The following FCHO2 variants were observed in gnomAD, a reference collection of about 807,000 sequenced individuals.
FCHO2 encodes the protein FCH and mu domain containing endocytic adaptor 2, also known as F-BAR domain only protein 2.
In FCHO2, 43 loss-of-function variants were observed where a neutral mutation model predicts 114.1. That is an observed-to-expected ratio of 0.38 (90% CI 0.30 to 0.49). The LOEUF is 0.49. FCHO2 is among the 20% of genes least tolerant of loss of function. The pLI is 0.97. For missense variants in FCHO2, 807 were observed against 950.4 expected (o/e 0.85, Z 1.98); for synonymous variants, 293 against 315.2 (o/e 0.93, Z 0.75).
At chr5:72,970,644 T>A (rs1752474385) in intron 2 of FCHO2, among the ~76,000 whole-genome samples, 1 of 151,952 alleles carries the variant, frequency 6.6e-6, no homozygotes, top group Non-Finnish European at 1.5e-5. Context: ...ACCATCAAGA[T>A]CATCAATAAT....
chr5:72,960,670 T>G (rs554010441), intron 1 of FCHO2, among the ~76,000 whole-genome samples: 18 of 152,278 alleles, frequency 1.2e-4, no homozygotes, highest in African/African-American at 4.3e-4. Flanking sequence ...ATAACAACAT[T>G]GCTATGTAAT....
intron 18 of FCHO2, among the ~76,000 whole-genome samples, chr5:73,066,444 A>T (rs1396097216): frequency 1.3e-5 from 2 of 151,996 alleles, no homozygotes; most frequent in African/African-American, 4.8e-5. Context: ...TTAATAAAAA[A>T]TTTTAAAAGT....
At chr5:72,992,082 C>A (rs1389118668) in intron 5 of FCHO2, among the ~76,000 whole-genome samples, 1 of 151,836 alleles carries the variant, frequency 6.6e-6, no homozygotes, top group African/African-American at 2.4e-5. Flanking sequence ...AAACAACTAA[C>A]CAATGAAATA....
chr5:72,979,133 GT>G (rs1753039568), intron 2 of FCHO2, among the ~76,000 whole-genome samples: 1 of 152,138 alleles, frequency 6.6e-6, no homozygotes. Context: ...CATAAAATGA[GT>G]TAGGGAGGAG....
At chr5:72,994,783 TA>T (rs141720616) in intron 5 of FCHO2, among the ~76,000 whole-genome samples, 1 of 152,202 alleles carries the variant, frequency 6.6e-6, no homozygotes, top group Non-Finnish European at 1.5e-5. Flanking sequence ...TATGCAGCCA[TA>T]AAAAAGAATG....
Position 72,990,589 on chromosome 5 carries a change from T to G in FCHO2, c.312T>G (p.Tyr104Ter), listed in dbSNP as rs887296871. 1 of 1,534,178 alleles carries G rather than the reference T, an allele frequency of 6.5e-7. No homozygotes were observed. Among genetic ancestry groups the G allele is most frequent in the Non-Finnish European group, 8.7e-7 (1 of 1,145,130 alleles). ...LQELIKEVQK[Y>*]GEEQVKSHKK... ...AATTAATAAAGGAAGTTCAGAAGTATGGAGAAGAACAAGTAAAGTCTCATA... is the reference window on the plus strand; with the variant it reads ...AATTAATAAAGGAAGTTCAGAAGTAGGGAGAAGAACAAGTAAAGTCTCATA... The change falls in exon 4 of 26, where the codon TAT becomes TAG. Residue 104 changes from tyrosine (Y) to a stop codon, truncating the protein, a stop_gained. Coordinates refer to ENST00000430046, the MANE Select transcript of FCHO2 (RefSeq NM_138782.3). LOFTEE classifies it high-confidence loss of function.
intron 8 of FCHO2, among the ~76,000 whole-genome samples, chr5:73,018,066 A>G (rs1207470720): frequency 6.6e-6 from 1 of 152,192 alleles, no homozygotes; most frequent in East Asian, 1.9e-4. Context: ...ATAAGTAAAA[A>G]TAATTTAGTG....
intron 8 of FCHO2, among the ~76,000 whole-genome samples, chr5:73,030,022 ATTTCT>A (rs1377600107): frequency 1.3e-4 from 20 of 148,182 alleles, no homozygotes; most frequent in South Asian, 6.5e-4. Flanking sequence ...ACAGAAATTG[ATTTCT>A]TTTCTTTCTT....
intron 22 of FCHO2, among the ~76,000 whole-genome samples, chr5:73,080,457 G>A (rs1014255659): frequency 9.9e-5 from 15 of 152,102 alleles, no homozygotes; most frequent in African/African-American, 3.6e-4. Context: ...AAGGATATTC[G>A]CTGTAGCATT....
intron 2 of FCHO2, among the ~76,000 whole-genome samples, chr5:72,988,432 C>T (rs1044649066): frequency 4.6e-5 from 7 of 151,962 alleles, no homozygotes; most frequent in African/African-American, 7.2e-5. Context: ...AGCCATATTC[C>T]GTCTCAAAAA....
chr5:73,014,838 G>T (rs1465574999), intron 6 of FCHO2, among the ~76,000 whole-genome samples: 1 of 151,900 alleles, frequency 6.6e-6, no homozygotes, highest in East Asian at 2.0e-4. Flanking sequence ...CAGCACTTTT[G>T]GAGGCTGAGG....
At position 73,000,141 on chromosome 5, in the gene FCHO2, A is replaced by G. The variant is rs915267607; in HGVS notation, c.496-6304A>G. ...CACCTCAGCTTCCAGAGTAGCTGGG[A>G]CTACAGGCATGTGCCACCATGCACA... is the stretch of plus-strand genomic sequence containing the variant. On this transcript the variant is annotated intron_variant, in intron 5 of 25. Coordinates refer to ENST00000430046, the MANE Select transcript of FCHO2 (RefSeq NM_138782.3). Among the ~76,000 whole-genome samples, 8 of 152,272 alleles carry G rather than the reference A, an allele frequency of 5.3e-5. No individual in the cohort carries two copies. The East Asian group carries it at 1.5e-3, about 29-fold the overall frequency.
intron 1 of FCHO2, among the ~76,000 whole-genome samples, chr5:72,962,870 C>T (rs1290748783): frequency 6.7e-6 from 1 of 150,208 alleles, no homozygotes; most frequent in South Asian, 2.1e-4. Flanking sequence ...TCCAGTTGGG[C>T]GACAGAGCAA....
chr5:73,064,306 A>G (rs1285800773), intron 18 of FCHO2, among the ~76,000 whole-genome samples: 1 of 152,098 alleles, frequency 6.6e-6, no homozygotes, highest in Non-Finnish European at 1.5e-5. Flanking sequence ...GTATACTGCA[A>G]GGAGGATTAT....
intron 2 of FCHO2, among the ~76,000 whole-genome samples, chr5:72,983,846 A>G (rs1400521227): frequency 1.3e-5 from 2 of 151,648 alleles, no homozygotes; most frequent in African/African-American, 4.8e-5. Context: ...ATAGTTTTGC[A>G]CATATGTCCT....
chr5:72,971,577 G>A (rs1232340004), intron 2 of FCHO2, among the ~76,000 whole-genome samples: 1 of 152,074 alleles, frequency 6.6e-6, no homozygotes, highest in Non-Finnish European at 1.5e-5. Flanking sequence ...ATTTGTTTGA[G>A]TTCATTGTAG....
Position 73,027,010 on chromosome 5 carries a change from G to T in FCHO2, c.797-7647G>T, listed in dbSNP as rs368659268. Among the ~76,000 whole-genome samples, 110 of 122,698 alleles carry T rather than the reference G, an allele frequency of 9.0e-4. 1 individual carries two copies. Among genetic ancestry groups the T allele is most frequent in the African/African-American group, 2.1e-3 (71 of 33,062 alleles). 80.5% of individuals were successfully genotyped at this position (122,698 alleles called of 152,430 possible). A position where few individuals can be genotyped will look rare whatever the true frequency, so the allele number is the denominator to read the frequency against. ...CCTGGCCTGTCATTGTTTTTTTTTT[G>T]TTTGTTTGTTTTTTTTTTTTTTTTT... On this transcript the variant is annotated intron_variant, in intron 8 of 25. Transcript: ENST00000430046.
intron 2 of FCHO2, among the ~76,000 whole-genome samples, chr5:72,975,754 C>T (rs1437563260): frequency 2.0e-5 from 3 of 152,176 alleles, no homozygotes; most frequent in Non-Finnish European, 4.4e-5. Flanking sequence ...ATCCACCCAT[C>T]TCGGCCTCCC....
chr5:73,056,798 G>C (rs778560043), intron 16 of FCHO2, among the ~76,000 whole-genome samples: 1 of 151,452 alleles, frequency 6.6e-6, no homozygotes, highest in Non-Finnish European at 1.5e-5. Context: ...AATATACTTC[G>C]TAAGCTTCAA....
Sources: allele counts gnomAD v4.1 joint callset (sites outside exome capture counted in the v4.1 genomes callset), GRCh38; gene constraint gnomAD v4.1.1; transcripts MANE v1.5; gene names NCBI Gene and HGNC (gene_info 2026-07-23, HGNC 2026-07-21).